Variants in IGHMBP2 observed in about 807,000 individuals in gnomAD.
IGHMBP2 encodes the protein DNA-binding protein SMUBP-2.
In IGHMBP2, 81 loss-of-function variants were observed where a neutral mutation model predicts 96.0. That is an observed-to-expected ratio of 0.84 (90% CI 0.71 to 1.01). The LOEUF is 1.01. Ranked by LOEUF, IGHMBP2 falls within the 50% of genes least tolerant of loss-of-function variation. The pLI is 0.00. For synonymous variants in IGHMBP2, 557 were observed against 548.9 expected, an observed-to-expected ratio of 1.01 and a Z score of -0.21; for missense variants, 1,227 against 1,306.3, an observed-to-expected ratio of 0.94 and a Z score of 0.94.
intron 1 of IGHMBP2, among the ~76,000 whole-genome samples, chr11:68,905,223 G>T (rs553870182): frequency 6.6e-6 from 1 of 152,358 alleles, no homozygotes; most frequent in East Asian, 1.9e-4. Flanking sequence ...TCCAGAGTTT[G>T]CAGTCAGCCA....
chr11:68,909,176 C>CG (rs1337523275), intron 4 of IGHMBP2, among the ~76,000 whole-genome samples: 1,159 of 14,236 alleles, frequency 0.081, 25 homozygotes, highest in Middle Eastern at 0.17. Context: ...TTTTTTTTGG[C>CG]GGGGGGGGTG....
chr11:68,933,924 T>C lies in IGHMBP2; in HGVS notation c.1537+11T>C. 2 of 1,552,784 alleles carry C rather than the reference T, an allele frequency of 1.3e-6. No homozygotes were observed. Among genetic ancestry groups the C allele is most frequent in the East Asian group, 2.3e-5 (1 of 43,432 alleles). On this transcript the variant is annotated intron_variant, in intron 10 of 14. Coordinates refer to ENST00000255078, the MANE Select transcript of IGHMBP2 (RefSeq NM_002180.3). ...CGAAAGGGAACCCTGGTGAGCTTGC[T>C]TGCAGATGGCCAGCTTTTTTGTTTA...
intron 7 of IGHMBP2, among the ~76,000 whole-genome samples, chr11:68,920,686 G>A (rs1858844119): frequency 6.6e-6 from 1 of 152,132 alleles, no homozygotes; most frequent in African/African-American, 2.4e-5. Context: ...ATCTCACTGT[G>A]TTGCCCAGGC....
rs374363750 is a variant in IGHMBP2 at position 68,933,411 on chromosome 11, C to G, written c.1348C>G (p.Arg450Gly). 1 of 1,613,114 alleles carries G rather than the reference C, an allele frequency of 6.2e-7. No homozygotes were observed. Among genetic ancestry groups the G allele is most frequent in the African/African-American group, 1.3e-5 (1 of 74,928 alleles). Residue 450 changes from arginine to glycine, a missense_variant, in exon 9 of 15, where the codon CGC becomes GGC. Around this residue, in one of 3 missense-constraint regions of IGHMBP2, gnomAD observed 703 missense variants for 770.3 expected, o/e 0.91. Transcript: ENST00000255078. ...VQYRMHQAIMRWASDTMYLGQ... is the reference protein window; with the variant it reads ...VQYRMHQAIMGWASDTMYLGQ... The stretch of plus-strand genomic sequence containing the variant: ...GTACCGCATGCACCAGGCTATCATG[C>G]GCTGGGCCTCAGACACCATGTACCT...
chr11:68,915,942 G>A (rs1163901913), intron 6 of IGHMBP2, among the ~76,000 whole-genome samples: 1 of 152,002 alleles, frequency 6.6e-6, no homozygotes, highest in Non-Finnish European at 1.5e-5. Flanking sequence ...GGGAGGCCGA[G>A]GTGGGCGGAA....
intron 7 of IGHMBP2, 121 bp downstream of exon 7, chr11:68,918,004 G>C (rs1858736417): frequency 9.3e-7 from 1 of 1,075,350 alleles, no homozygotes; most frequent in East Asian, 2.5e-5. Context: ...AGTTGGGTAG[G>C]GTTCACTAGG....
chr11:68,913,145 C>T (rs553352994), intron 5 of IGHMBP2, among the ~76,000 whole-genome samples: 3 of 151,230 alleles, frequency 2.0e-5, no homozygotes, highest in East Asian at 1.9e-4. Flanking sequence ...CAATGGAACT[C>T]GGGCAGAGCG....
Position 68,933,588 on chromosome 11 carries a change from C to T in IGHMBP2, c.1418+107C>T, listed in dbSNP as rs1383793596. 2.1e-5 allele frequency: 29 copies of T among 1,382,912 alleles called. No homozygotes were observed. The Admixed American group carries it at 2.6e-4, about 12-fold the overall frequency. 85.7% of individuals were successfully genotyped at this position (1,382,912 alleles called of 1,614,324 possible). ...AAAGTGAAGCTTTCTGCATGAAAGT[C>T]GACTCTGAGGCTAGCTTTTTGGAAG... On this transcript the variant is annotated intron_variant, in intron 9 of 14. Transcript: ENST00000255078.
At chr11:68,937,888 G>A (rs1297465463) in intron 13 of IGHMBP2, 2 of 460,664 alleles carry the variant, frequency 4.3e-6, no homozygotes, top group Non-Finnish European at 8.0e-6. Flanking sequence ...TGTGCTAGAG[G>A]ACAGGACTGA....
At chr11:68,927,261 A>C (rs1270354604) in intron 7 of IGHMBP2, among the ~76,000 whole-genome samples, 2 of 152,232 alleles carry the variant, frequency 1.3e-5, no homozygotes, top group African/African-American at 4.8e-5. Context: ...TTCTGGACTA[A>C]TTCTGTAAAA....
At chr11:68,934,179 G>A in intron 10 of IGHMBP2, 2 of 611,752 alleles carry the variant, frequency 3.3e-6, no homozygotes, top group Non-Finnish European at 2.9e-6. Context: ...GTCTGGTGAT[G>A]GGAACTGTCA....
chr11:68,934,768 G>A (rs974032369), intron 11 of IGHMBP2, among the ~76,000 whole-genome samples: 2 of 152,112 alleles, frequency 1.3e-5, no homozygotes, highest in Admixed American at 6.5e-5. Flanking sequence ...CGCCCTGCCC[G>A]GTGCCCCAGC....
In IGHMBP2 at chr11:68,929,429, G is replaced by A. The variant is rs929818551; in HGVS notation, c.1235+72G>A. ...GCGGTCCTTCCACGCTCAGCCAGGA[G>A]CCCCAGGCTCACCAGGAGCCCCTGC... On this transcript the variant is annotated intron_variant, in intron 8 of 14. Transcript: ENST00000255078. 4.8e-6 allele frequency: 7 copies of A among 1,457,664 alleles called. No homozygotes were observed. The African/African-American group carries it at 9.7e-5, about 20-fold the overall frequency. 90.3% of individuals were successfully genotyped at this position (1,457,664 alleles called of 1,614,324 possible).
chr11:68,931,982 A>C (rs978028673), intron 8 of IGHMBP2, among the ~76,000 whole-genome samples: 2 of 148,454 alleles, frequency 1.3e-5, no homozygotes, highest in Non-Finnish European at 3.0e-5. Flanking sequence ...TTTTGGGGGA[A>C]GACGTTGGGT....
At chr11:68,933,236 G>A in intron 8 of IGHMBP2, 63 bp from the exon 9 acceptor site, 2 of 1,517,558 alleles carry the variant, frequency 1.3e-6, no homozygotes, top group Non-Finnish European at 1.8e-6. Context: ...CTCACTTGCT[G>A]TGGTTCACAC....
At chr11:68,906,541 A>G (rs1858200973) in intron 2 of IGHMBP2, among the ~76,000 whole-genome samples, 1 of 152,024 alleles carries the variant, frequency 6.6e-6, no homozygotes, top group African/African-American at 2.4e-5. Flanking sequence ...GAATATCTTG[A>G]GTAATTTTTC....
chr11:68,904,059 C>G, intron 1 of IGHMBP2, 21 bp downstream of exon 1: 1 of 1,538,916 alleles, frequency 6.5e-7, no homozygotes, highest in Non-Finnish European at 8.8e-7. Context: ...CCGCCGGCGC[C>G]GCTCCCTCGC....
At chr11:68,908,444 G>A in intron 3 of IGHMBP2, 90 bp from the exon 4 acceptor site, 4 of 1,442,236 alleles carry the variant, frequency 2.8e-6, no homozygotes, top group South Asian at 2.3e-5. Flanking sequence ...TGGTGTGGGT[G>A]TGGCCCTCAT....
intron 1 of IGHMBP2, 81 bp downstream of exon 1, chr11:68,904,119 T>C (rs1475626530): frequency 1.7e-6 from 2 of 1,191,908 alleles, no homozygotes; most frequent in Non-Finnish European, 2.4e-6. Flanking sequence ...CTCGGCCTCA[T>C]AGTCTGGGGC....
Sources: gnomAD v4.1 joint callset for allele counts (sites outside exome capture counted in the v4.1 genomes callset) on GRCh38, gnomAD v4.1.1 for gene constraint, gnomAD v4.1.1 regional missense constraint, MANE v1.5 for transcripts, NCBI Gene and HGNC (gene_info 2026-07-23, HGNC 2026-07-21) for gene names.